Variants in TCF12 observed in about 807,000 individuals in gnomAD.
TCF12 encodes the protein transcription factor 12, also known as DNA-binding protein HTF4.
In TCF12, 45 loss-of-function variants were observed where a neutral mutation model predicts 86.0. The observed-to-expected ratio is 0.52, with a 90% CI of 0.41 to 0.67. TCF12 has a LOEUF of 0.67. Ranked by LOEUF, TCF12 falls within the 30% of genes least tolerant of loss-of-function variation. The pLI, the probability that TCF12 is intolerant of heterozygous loss-of-function variation, is 0.00. For missense variants in TCF12, 881 were observed against 859.9 expected (o/e 1.02, Z -0.31); for synonymous variants, 330 against 299.6 (o/e 1.10, Z -1.05).
intron 6 of TCF12, among the ~76,000 whole-genome samples, chr15:57,179,490 A>G (rs2151632921): frequency 6.6e-6 from 1 of 152,218 alleles, no homozygotes; most frequent in South Asian, 2.1e-4. Flanking sequence ...AGATCGTGCC[A>G]TTGCACTCCA....
At chr15:57,191,914 A>C (rs1297603684) in intron 6 of TCF12, among the ~76,000 whole-genome samples, 2 of 152,052 alleles carry the variant, frequency 1.3e-5, no homozygotes, top group African/African-American at 4.8e-5. Context: ...AGCCTGGGCA[A>C]ATAAGTGAGA....
At chr15:57,030,041 T>C (rs2066060961) in intron 3 of TCF12, among the ~76,000 whole-genome samples, 1 of 148,908 alleles carries the variant, frequency 6.7e-6, no homozygotes, top group South Asian at 2.1e-4. Context: ...AACATTTTTG[T>C]GCATGTTTTT....
intron 3 of TCF12, among the ~76,000 whole-genome samples, chr15:56,952,992 A>G (rs2061349589): frequency 6.6e-6 from 1 of 151,912 alleles, no homozygotes; most frequent in Admixed American, 6.5e-5. Context: ...GCTTTTTTTT[A>G]TAGTACCTTG....
intron 3 of TCF12, among the ~76,000 whole-genome samples, chr15:57,053,236 T>A (rs1434949279): frequency 6.6e-6 from 1 of 152,248 alleles, no homozygotes; most frequent in Non-Finnish European, 1.5e-5. Context: ...GAGCAGCTTT[T>A]CATATACCTG....
At chr15:57,090,705 C>T (rs1044283001) in intron 4 of TCF12, among the ~76,000 whole-genome samples, 2 of 151,976 alleles carry the variant, frequency 1.3e-5, no homozygotes, top group South Asian at 2.1e-4. Context: ...TTTTAGTCCC[C>T]GGGGATTCTG....
At chr15:57,219,566 G>A (rs764369645) in intron 8 of TCF12, 2 of 1,613,314 alleles carry the variant, frequency 1.2e-6, no homozygotes, top group African/African-American at 1.3e-5. Flanking sequence ...GCAATTCTTT[G>A]ATGTATTACT....
At chr15:57,145,890 T>G (rs2053324307) in intron 5 of TCF12, among the ~76,000 whole-genome samples, 1 of 152,212 alleles carries the variant, frequency 6.6e-6, no homozygotes, top group South Asian at 2.1e-4. Flanking sequence ...GCTTTATTGC[T>G]TATAAGAATC....
Position 57,158,679 on chromosome 15 carries a change from A to G in TCF12, c.326-7723A>G, listed in dbSNP as rs1047863132. On this transcript the variant is annotated intron_variant, in intron 5 of 20. Transcript: ENST00000333725. ...GTGATGAGATAAAGGCTGGGTTAGA[A>G]AAGTGATTACAACTGGGAACTTGCT... Among the ~76,000 whole-genome samples, 67 of 152,346 alleles carry G rather than the reference A, an allele frequency of 4.4e-4. 1 individual carries two copies. Among genetic ancestry groups the G allele is most frequent in the Admixed American group, 2.7e-3 (42 of 15,296 alleles).
In TCF12 at chr15:56,984,014, A is replaced by AAAAAAAAAAAAAAAAAAAAAAG. The variant is rs777234282; in HGVS notation, c.148+62918_148+62919insAAAAAAAAAAAAAAAAAAAGAA. ...GAGACCCTGTCTCAAAAAAAAAAAA[A>AAAAAAAAAAAAAAAAAAAAAAG]AAGAAGAAGAAGAATTTTGGATCAA... On this transcript the variant is annotated intron_variant, in intron 3 of 20. Transcript: ENST00000333725. 1.4e-3 allele frequency among the ~76,000 whole-genome samples: 148 copies of AAAAAAAAAAAAAAAAAAAAAAG among 104,364 alleles called. 6 individuals carry two copies. The highest frequency in any genetic ancestry group is 4.1e-3 in the South Asian group (12 of 2,926). The allele number at this position is 104,364 out of a possible 152,430, so 68.5% of individuals were successfully genotyped here.
At chr15:57,194,194 T>TA (rs1282092074) in intron 7 of TCF12, among the ~76,000 whole-genome samples, 1 of 140,688 alleles carries the variant, frequency 7.1e-6, no homozygotes, top group Non-Finnish European at 1.6e-5. Flanking sequence ...TTCTATAAAT[T>TA]AAAACTTGTA....
chr15:57,146,435 A>C (rs2053368559), intron 5 of TCF12, among the ~76,000 whole-genome samples: 2 of 152,238 alleles, frequency 1.3e-5, no homozygotes, highest in South Asian at 4.1e-4. Context: ...TTTAATAGCC[A>C]GTGTATTCAT....
At chr15:56,996,437 A>G (rs1472958357) in intron 3 of TCF12, among the ~76,000 whole-genome samples, 1 of 152,218 alleles carries the variant, frequency 6.6e-6, no homozygotes, top group Non-Finnish European at 1.5e-5. Flanking sequence ...ATAACTGGCT[A>G]TCCATATGTA....
intron 19 of TCF12, among the ~76,000 whole-genome samples, chr15:57,280,881 T>G (rs1211935564): frequency 1.3e-5 from 2 of 152,224 alleles, no homozygotes; most frequent in Non-Finnish European, 2.9e-5. Context: ...CATTAGGGCA[T>G]TTTTAATCCA....
chr15:57,166,283 T>A, intron 5 of TCF12, 119 bp from the exon 6 acceptor site: 1 of 792,614 alleles, frequency 1.3e-6, no homozygotes, highest in Non-Finnish European at 2.0e-6. Flanking sequence ...TATCCTCTTA[T>A]TTCTAATTTG....
chr15:57,204,794 G>A (rs1292298434), intron 8 of TCF12, among the ~76,000 whole-genome samples: 1 of 151,768 alleles, frequency 6.6e-6, no homozygotes, highest in African/African-American at 2.4e-5. Context: ...ATGACAAACA[G>A]AACTTTCTGG....
At chr15:57,007,000 A>AT (rs1418840502) in intron 3 of TCF12, among the ~76,000 whole-genome samples, 1 of 152,114 alleles carries the variant, frequency 6.6e-6, no homozygotes, top group East Asian at 1.9e-4. Context: ...TGTTAACTAG[A>AT]TTTTTTTAGG....
intron 3 of TCF12, among the ~76,000 whole-genome samples, chr15:56,976,817 G>C (rs1339694835): frequency 6.6e-6 from 1 of 152,136 alleles, no homozygotes; most frequent in Non-Finnish European, 1.5e-5. Context: ...ATACAACTTT[G>C]CTGTTAGTAG....
rs1171707504 is a variant in TCF12, at chr15:57,275,327, G to GGTGTGTGT, written c.1978+2094_1978+2101dup. Among the ~76,000 whole-genome samples the GGTGTGTGT allele has an allele frequency of 2.7e-3, 174 of 64,064 alleles. 21 individuals are homozygous for GGTGTGTGT. The highest frequency in any genetic ancestry group is 9.6e-3 in the African/African-American group (134 of 13,928). The allele number at this position is 64,064 out of a possible 152,430, so 42.0% of individuals were successfully genotyped here. ...AGCCCAGGGATCTTTGTAAGGTAGGGGTGTGTGTGTGTGTGTGTGTGTGTG... is the reference window on the plus strand; with the variant it reads ...AGCCCAGGGATCTTTGTAAGGTAGGGGTGTGTGTGTGTGTGTGTGTGTGTGTGTGTGTG... On this transcript the variant is annotated intron_variant, in intron 19 of 20. Coordinates refer to ENST00000333725, the MANE Select transcript of TCF12 (RefSeq NM_207037.2).
At chr15:56,920,609 G>C (rs2059747623) in intron 2 of TCF12, among the ~76,000 whole-genome samples, 1 of 151,860 alleles carries the variant, frequency 6.6e-6, no homozygotes, top group African/African-American at 2.4e-5. Context: ...ATTAACTGCT[G>C]TTAGGAGGCA....
Sources: gnomAD v4.1 joint callset for allele counts (sites outside exome capture counted in the v4.1 genomes callset) on GRCh38, gnomAD v4.1.1 for gene constraint, MANE v1.5 for transcripts, NCBI Gene and HGNC (gene_info 2026-07-23, HGNC 2026-07-21) for gene names.